Variants in KANK1 observed in about 807,000 individuals in gnomAD.
KANK1 encodes KN motif and ankyrin repeat domains 1, also known as KN motif and ankyrin repeat domain-containing protein 1.
A neutral mutation model predicts 106.2 loss-of-function variants in KANK1; 109 were observed. The ratio of observed to expected loss-of-function variants is 1.03; its 90% CI spans 0.88 to 1.20. The LOEUF is 1.20. KANK1 is among the 50% of genes most tolerant of loss of function. The pLI is 0.00. For missense variants in KANK1, 2,399 were observed against 1,710.7 expected, an observed-to-expected ratio of 1.40 and a Z score of -7.10; for synonymous variants, 873 against 652.2, an observed-to-expected ratio of 1.34 and a Z score of -5.16.
chr9:596,224 A>G (rs769752468), intron 1 of KANK1, among the ~76,000 whole-genome samples: 3 of 151,756 alleles, frequency 2.0e-5, no homozygotes, highest in Non-Finnish European at 2.9e-5. Context: ...GAGCATTTCT[A>G]TTTCAGATTT....
intron 1 of KANK1, among the ~76,000 whole-genome samples, chr9:657,883 T>G (rs1842488179): frequency 6.6e-6 from 1 of 151,954 alleles, no homozygotes; most frequent in Non-Finnish European, 1.5e-5. Flanking sequence ...GTTTTCTTGG[T>G]GGTGGTGGTG....
chr9:712,852 A>C lies in KANK1; in HGVS notation c.2086A>C (p.Thr696Pro), dbSNP rs370926594. The change falls in exon 3 of 12, where the codon ACC becomes CCC. Residue 696 changes from threonine to proline, a missense_variant. Coordinates refer to ENST00000382297, the MANE Select transcript of KANK1 (RefSeq NM_015158.5). ...GACGGCCACCCTCATAGAGTCCTGC[A>C]CCAACACTTGTCTAAGCACTTTGGA... is the stretch of plus-strand genomic sequence containing the variant. ...TETATLIESC[T>P]NTCLSTLDKQ... The C allele has an allele frequency of 1.4e-5, 22 of 1,613,694 alleles. 1 individual carries two copies. The East Asian group carries it at 1.8e-4, about 13-fold the overall frequency.
At chr9:560,442 T>G (rs773034221) in intron 1 of KANK1, among the ~76,000 whole-genome samples, 15 of 152,288 alleles carry the variant, frequency 9.8e-5, no homozygotes, top group Non-Finnish European at 1.3e-4. Flanking sequence ...AAGTTTATAC[T>G]TTATTTTGGA....
At chr9:484,850 G>C (rs10974769) in intron 3 of KANK1, among the ~76,000 whole-genome samples, 14,420 of 151,888 alleles carry the variant, frequency 0.095, 1,200 homozygotes, top group East Asian at 0.44. Context: ...GTTACTCTCA[G>C]TGTTTCCAAG....
chr9:477,035 A>T (rs2058116724), intron 3 of KANK1, among the ~76,000 whole-genome samples: 1 of 152,194 alleles, frequency 6.6e-6, no homozygotes, highest in Admixed American at 6.5e-5. Flanking sequence ...GTAAAGTTTA[A>T]AAGCACATTT....
chr9:528,010 A>G (rs1026094043), intron 1 of KANK1, among the ~76,000 whole-genome samples: 1 of 151,768 alleles, frequency 6.6e-6, no homozygotes, highest in African/African-American at 2.4e-5. Context: ...GGGCGCCTGT[A>G]TAGTCCCAGC....
intron 1 of KANK1, among the ~76,000 whole-genome samples, chr9:623,857 T>A (rs1288785917): frequency 6.6e-6 from 1 of 151,604 alleles, no homozygotes; most frequent in East Asian, 1.9e-4. Flanking sequence ...AACTATATGA[T>A]CCAGCAGTCC....
intron 1 of KANK1, among the ~76,000 whole-genome samples, chr9:513,661 C>T (rs2059130072): frequency 6.6e-6 from 1 of 152,166 alleles, no homozygotes; most frequent in African/African-American, 2.4e-5. Context: ...TTGATATCTG[C>T]ATAATATTTT....
chr9:582,773 T>C (rs1822494167), intron 1 of KANK1, among the ~76,000 whole-genome samples: 1 of 152,212 alleles, frequency 6.6e-6, no homozygotes, highest in Non-Finnish European at 1.5e-5. Flanking sequence ...TCATCTAGAA[T>C]TTCAGTACAA....
At chr9:732,340 C>A (rs757251527) in intron 5 of KANK1, 38 bp from the exon 6 acceptor site, 18 of 1,584,890 alleles carry the variant, frequency 1.1e-5, no homozygotes, top group Non-Finnish European at 1.6e-5. Flanking sequence ...TCTTCGTGAG[C>A]ACACCTTGCA....
At chr9:727,374 G>A (rs866782517) in intron 3 of KANK1, among the ~76,000 whole-genome samples, 4 of 152,024 alleles carry the variant, frequency 2.6e-5, no homozygotes, top group Middle Eastern at 3.4e-3. Flanking sequence ...GGAGTGCAGT[G>A]GGACGATCTT....
At chr9:652,351 T>G (rs1841081476) in intron 1 of KANK1, among the ~76,000 whole-genome samples, 1 of 152,090 alleles carries the variant, frequency 6.6e-6, no homozygotes, top group African/African-American at 2.4e-5. Flanking sequence ...TGAAACCCCG[T>G]ATCTACTAAA....
intron 1 of KANK1, among the ~76,000 whole-genome samples, chr9:648,068 A>G (rs1348182706): frequency 1.4e-5 from 2 of 146,536 alleles, no homozygotes; most frequent in East Asian, 2.0e-4. Context: ...CAGTGGTGCA[A>G]TCTTGGCTCA....
At chr9:739,084 T>G (rs1417870135) in intron 8 of KANK1, among the ~76,000 whole-genome samples, 1 of 152,138 alleles carries the variant, frequency 6.6e-6, no homozygotes, top group Non-Finnish European at 1.5e-5. Flanking sequence ...TCAACCATAA[T>G]AGAATAGTAG....
intron 1 of KANK1, among the ~76,000 whole-genome samples, chr9:569,534 C>T (rs1217796128): frequency 6.6e-6 from 1 of 152,124 alleles, no homozygotes; most frequent in African/African-American, 2.4e-5. Flanking sequence ...GCAAGAAGGC[C>T]CTCACCAGAT....
chr9:541,294 T>C (rs1460573608), intron 1 of KANK1, among the ~76,000 whole-genome samples: 1 of 152,204 alleles, frequency 6.6e-6, no homozygotes, highest in African/African-American at 2.4e-5. Context: ...CGGTTGGCTC[T>C]TTGACAAAGT....
intron 1 of KANK1, among the ~76,000 whole-genome samples, chr9:592,603 A>G (rs908375686): frequency 2.0e-5 from 3 of 151,900 alleles, no homozygotes; most frequent in Non-Finnish European, 2.9e-5. Flanking sequence ...TCAATATTAC[A>G]TCTCTAACCA....
At chr9:572,630 A>G (rs779280259) in intron 1 of KANK1, among the ~76,000 whole-genome samples, 14 of 152,124 alleles carry the variant, frequency 9.2e-5, no homozygotes, top group African/African-American at 1.7e-4. Flanking sequence ...GCCTCAGGCA[A>G]TCCTCCTGCC....
rs756982731 is a variant in KANK1, at chr9:744,484, T to C, written c.3898-7T>C. 22 of 1,611,048 alleles carry C rather than the reference T, an allele frequency of 1.4e-5. No homozygotes were observed. The highest frequency in any genetic ancestry group is 1.8e-5 in the Non-Finnish European group (21 of 1,177,662). ...AACATGGCTTGTTCTTTCCATCTTA[T>C]CTTAAGGATGGCAGCACTGCGCTCT... On this transcript the variant is annotated splice_region_variant and splice_polypyrimidine_tract_variant and intron_variant, in intron 10 of 11. Transcript: ENST00000382297.
Sources: allele counts gnomAD v4.1 joint callset (sites outside exome capture counted in the v4.1 genomes callset), GRCh38; gene constraint gnomAD v4.1.1; transcripts MANE v1.5; gene names NCBI Gene and HGNC (gene_info 2026-07-23, HGNC 2026-07-21).